Variants in SLC24A2 observed in about 807,000 individuals in gnomAD.
SLC24A2 encodes solute carrier family 24 member 2.
A neutral mutation model predicts 62.0 loss-of-function variants in SLC24A2; 36 were observed. That is an observed-to-expected ratio of 0.58 (90% CI 0.44 to 0.77). The LOEUF (loss-of-function observed/expected upper bound fraction) is 0.77. Ranked by LOEUF, SLC24A2 falls within the 30% of genes least tolerant of loss-of-function variation. The pLI, the probability that SLC24A2 is intolerant of heterozygous loss-of-function variation, is 0.00. For synonymous variants in SLC24A2, 358 were observed against 294.0 expected, an observed-to-expected ratio of 1.22 and a Z score of -2.23; for missense variants, 846 against 817.9, an observed-to-expected ratio of 1.03 and a Z score of -0.42.
the SLC24A2 span, among the ~76,000 whole-genome samples, chr9:20,091,110 A>T: frequency 1.3e-5 from 2 of 152,068 alleles, no homozygotes; most frequent in African/African-American, 4.8e-5. Flanking sequence ...AATCTGAGAA[A>T]TTGAAGACTG....
intron 2 of SLC24A2, among the ~76,000 whole-genome samples, chr9:19,642,693 T>TAACATATCTGAATGAATTCATCAATCGTC (rs1818534214): frequency 7.1e-6 from 1 of 141,834 alleles, no homozygotes; most frequent in African/African-American, 2.7e-5. Flanking sequence ...TTTTTTTTTT[T>TAACATATCTGAATGAATTCATCAATCGTC]TTTTTGAGAC....
chr9:19,986,168 G>A, the SLC24A2 span, among the ~76,000 whole-genome samples: 1 of 151,978 alleles, frequency 6.6e-6, no homozygotes, highest in East Asian at 1.9e-4. Flanking sequence ...TGACCAATAA[G>A]CGCATGAAAA....
At chr9:19,551,027 C>G (rs950282293) in intron 7 of SLC24A2, among the ~76,000 whole-genome samples, 1 of 152,122 alleles carries the variant, frequency 6.6e-6, no homozygotes, top group Non-Finnish European at 1.5e-5. Flanking sequence ...TGTGTTGTTG[C>G]TAGCTACGGT....
chr9:19,899,145 T>G, the SLC24A2 span, among the ~76,000 whole-genome samples: 2 of 152,180 alleles, frequency 1.3e-5, no homozygotes, highest in East Asian at 1.9e-4. Flanking sequence ...CCTGCTGTCT[T>G]CTAAGTCAAA....
intron 2 of SLC24A2, among the ~76,000 whole-genome samples, chr9:19,644,641 T>C (rs895309260): frequency 1.4e-4 from 22 of 152,194 alleles, no homozygotes; most frequent in African/African-American, 4.3e-4. Flanking sequence ...TAAATTACAG[T>C]CCTCACTGTT....
chr9:19,796,587 T>G, the SLC24A2 span, among the ~76,000 whole-genome samples: 1 of 152,364 alleles, frequency 6.6e-6, no homozygotes, highest in African/African-American at 2.4e-5. Flanking sequence ...CTTGTGTGTT[T>G]TTGATGTCTT....
chr9:20,011,230 T>G, the SLC24A2 span, among the ~76,000 whole-genome samples: 2 of 152,282 alleles, frequency 1.3e-5, no homozygotes, highest in South Asian at 4.1e-4. Flanking sequence ...CCACCAACAG[T>G]GTAAAAGTGT....
intron 4 of SLC24A2, among the ~76,000 whole-genome samples, chr9:19,615,119 C>T (rs908164914): frequency 4.6e-5 from 7 of 152,184 alleles, no homozygotes; most frequent in African/African-American, 1.7e-4. Flanking sequence ...TTGGCAAGGG[C>T]TCATTCACTG....
At chr9:19,825,556 G>C in the SLC24A2 span, among the ~76,000 whole-genome samples, 1 of 152,152 alleles carries the variant, frequency 6.6e-6, no homozygotes, top group Non-Finnish European at 1.5e-5. Context: ...TGGGGAAGTA[G>C]ACACCTGATA....
chr9:20,162,815 A>C, the SLC24A2 span, among the ~76,000 whole-genome samples: 1 of 151,992 alleles, frequency 6.6e-6, no homozygotes, highest in Non-Finnish European at 1.5e-5. Flanking sequence ...GGGATGCAAG[A>C]CTGGTTCAAT....
intron 2 of SLC24A2, among the ~76,000 whole-genome samples, chr9:19,657,225 G>A (rs1468800293): frequency 6.6e-6 from 1 of 152,032 alleles, no homozygotes; most frequent in African/African-American, 2.4e-5. Flanking sequence ...TACGCTTTAG[G>A]TGGAAACTCA....
At chr9:19,675,697 C>G (rs1433375112) in intron 2 of SLC24A2, among the ~76,000 whole-genome samples, 2 of 152,122 alleles carry the variant, frequency 1.3e-5, no homozygotes, top group Non-Finnish European at 2.9e-5. Flanking sequence ...CAGTCTCGCT[C>G]CTACCGTGCC....
At chr9:19,613,364 G>A (rs768161952) in intron 4 of SLC24A2, among the ~76,000 whole-genome samples, 2 of 152,162 alleles carry the variant, frequency 1.3e-5, no homozygotes, top group Non-Finnish European at 2.9e-5. Flanking sequence ...GGCTGCAGAA[G>A]CTTTAGAAGC....
At chr9:20,062,319 G>A in the SLC24A2 span, among the ~76,000 whole-genome samples, 5 of 151,378 alleles carry the variant, frequency 3.3e-5, no homozygotes, top group Admixed American at 1.3e-4. Flanking sequence ...ACAGAACAGA[G>A]CCCTCAGAAA....
chr9:19,609,654 T>C (rs1397017728), intron 4 of SLC24A2, among the ~76,000 whole-genome samples: 2 of 152,198 alleles, frequency 1.3e-5, no homozygotes, highest in African/African-American at 4.8e-5. Context: ...TGGTATTTTA[T>C]GGTTTTGTTG....
the SLC24A2 span, among the ~76,000 whole-genome samples, chr9:20,087,350 A>G: frequency 6.6e-6 from 1 of 152,334 alleles, no homozygotes; most frequent in South Asian, 2.1e-4. Context: ...ATAGATATTA[A>G]CAATAGGAAC....
the SLC24A2 span, among the ~76,000 whole-genome samples, chr9:19,910,063 A>C: frequency 5.9e-5 from 9 of 152,136 alleles, no homozygotes; most frequent in Non-Finnish European, 8.8e-5. Context: ...CAAATAATGC[A>C]GATGTAATCT....
At chr9:19,542,095 G>A (rs2085437334) in intron 8 of SLC24A2, among the ~76,000 whole-genome samples, 2 of 152,218 alleles carry the variant, frequency 1.3e-5, no homozygotes, top group South Asian at 2.1e-4. Context: ...ACTGGCCTGC[G>A]CCCACTGTCT....
chr9:19,556,367 C>T (rs1176217250), intron 7 of SLC24A2, among the ~76,000 whole-genome samples: 7 of 152,164 alleles, frequency 4.6e-5, no homozygotes, highest in Non-Finnish European at 8.8e-5. Flanking sequence ...TTCTTGGAGG[C>T]AACCCGGTTT....
Sources: allele counts gnomAD v4.1 joint callset (sites outside exome capture counted in the v4.1 genomes callset), GRCh38; gene constraint gnomAD v4.1.1; transcripts MANE v1.5; gene names NCBI Gene and HGNC (gene_info 2026-07-23, HGNC 2026-07-21).